STK3: variants seen among roughly 807,000 people sequenced by gnomAD.
The protein encoded by STK3 is serine/threonine-protein kinase 3.
In STK3, 41 loss-of-function variants were observed where a neutral mutation model predicts 58.0. The ratio of observed to expected loss-of-function variants is 0.71; its 90% CI spans 0.55 to 0.92. The LOEUF (loss-of-function observed/expected upper bound fraction) is 0.92. Among genes scored for constraint, STK3 ranks in the 40% least tolerant of loss-of-function variants. STK3 has a pLI of 0.00. For missense variants in STK3, 479 were observed against 602.7 expected (o/e 0.79, Z 2.15); for synonymous variants, 170 against 191.0 (o/e 0.89, Z 0.91).
At chr8:98,688,063 T>C (rs1824136314) in intron 6 of STK3, among the ~76,000 whole-genome samples, 1 of 151,956 alleles carries the variant, frequency 6.6e-6, no homozygotes, top group Non-Finnish European at 1.5e-5. Flanking sequence ...ACCCATAGAC[T>C]CATAGTAAAT....
the STK3 span, among the ~76,000 whole-genome samples, chr8:98,359,533 A>AAAAAG: frequency 0.08 from 11,428 of 141,978 alleles, 558 homozygotes; most frequent in Middle Eastern, 0.14. Context: ...AAAAAAAAAA[A>AAAAAG]AAAGAAAGAA....
At chr8:98,771,532 T>A (rs921690717) in intron 2 of STK3, among the ~76,000 whole-genome samples, 2 of 152,074 alleles carry the variant, frequency 1.3e-5, no homozygotes, top group African/African-American at 4.8e-5. Flanking sequence ...ATTTTACTGA[T>A]CTCTTCAAAA....
chr8:98,504,909 T>C (rs1260617136), intron 10 of STK3, among the ~76,000 whole-genome samples: 1 of 152,224 alleles, frequency 6.6e-6, no homozygotes, highest in Non-Finnish European at 1.5e-5. Context: ...TGGTGTTCTC[T>C]ATATTTCCTG....
At chr8:98,713,496 C>T (rs1826708600) in intron 4 of STK3, among the ~76,000 whole-genome samples, 2 of 152,178 alleles carry the variant, frequency 1.3e-5, no homozygotes, top group Non-Finnish European at 2.9e-5. Context: ...ATACTATAAA[C>T]ACCTCTACGC....
intron 4 of STK3, among the ~76,000 whole-genome samples, chr8:98,733,728 A>T (rs1271733439): frequency 6.6e-6 from 1 of 151,598 alleles, no homozygotes; most frequent in Non-Finnish European, 1.5e-5. Flanking sequence ...CATACCTATT[A>T]CCTCATCTAG....
chr8:98,602,924 A>G (rs1816478733), intron 6 of STK3, among the ~76,000 whole-genome samples: 1 of 151,942 alleles, frequency 6.6e-6, no homozygotes, highest in Non-Finnish European at 1.5e-5. Context: ...AATATATCTA[A>G]AGATAGTGGA....
chr8:98,709,126 G>A (rs554652164), intron 4 of STK3, among the ~76,000 whole-genome samples: 2 of 152,212 alleles, frequency 1.3e-5, no homozygotes, highest in African/African-American at 4.8e-5. Context: ...ATTAGGGACT[G>A]CTCTCAAGCT....
chr8:98,868,324 G>A (rs528574907), intron 3 of STK3, among the ~76,000 whole-genome samples: 2 of 152,286 alleles, frequency 1.3e-5, no homozygotes, highest in East Asian at 3.9e-4. Context: ...TCCCACAGCC[G>A]AAGGAGAAAG....
At chr8:98,658,292 C>T (rs1238883526) in intron 6 of STK3, among the ~76,000 whole-genome samples, 1 of 151,942 alleles carries the variant, frequency 6.6e-6, no homozygotes, top group African/African-American at 2.4e-5. Flanking sequence ...GCAAAATATG[C>T]TTGATTCAGG....
At chr8:98,834,396 C>CT (rs1324063880) in intron 3 of STK3, among the ~76,000 whole-genome samples, 2 of 152,218 alleles carry the variant, frequency 1.3e-5, no homozygotes, top group East Asian at 3.9e-4. Context: ...TTTAGGTCAA[C>CT]AGAACAAAAT....
At chr8:98,844,101 G>A (rs1008499857) in intron 3 of STK3, among the ~76,000 whole-genome samples, 1 of 152,188 alleles carries the variant, frequency 6.6e-6, no homozygotes, top group African/African-American at 2.4e-5. Context: ...GGCTATGGTT[G>A]TGCCACTGCA....
In STK3 at chr8:98,529,286, G is replaced by A. The variant is rs568985223; in HGVS notation, c.1142-2369C>T. 5.9e-3 allele frequency among the ~76,000 whole-genome samples: 803 copies of A among 137,048 alleles called. 6 individuals are homozygous for A. Among genetic ancestry groups the A allele is most frequent in the Non-Finnish European group, 9.0e-3 (556 of 61,548 alleles). The allele number at this position is 137,048 out of a possible 152,430, so 89.9% of individuals were successfully genotyped here. ...CTTAATCAAACTTCAAAAAACAAAA[G>A]GGGGGGGGACGGAGATTGAACTGAC... On this transcript the variant is annotated intron_variant, in intron 9 of 10. Transcript: ENST00000419617.
chr8:98,692,911 C>A (rs1459365592), intron 6 of STK3, among the ~76,000 whole-genome samples: 1 of 151,892 alleles, frequency 6.6e-6, no homozygotes, highest in Non-Finnish European at 1.5e-5. Context: ...GAAGATATGT[C>A]CACATCCTAA....
chr8:98,364,032 G>A, the STK3 span, among the ~76,000 whole-genome samples: 2 of 152,166 alleles, frequency 1.3e-5, no homozygotes, highest in African/African-American at 2.4e-5. Flanking sequence ...CAGCTGGGAA[G>A]CCCGGAGCTG....
chr8:98,884,171 C>T (rs546736667), intron 1 of STK3, among the ~76,000 whole-genome samples: 16 of 151,990 alleles, frequency 1.1e-4, no homozygotes, highest in Non-Finnish European at 2.4e-4. Context: ...AAGTTTTGTG[C>T]CCATAGGATT....
At chr8:98,905,022 G>A (rs1838835107) in intron 1 of STK3, 106 of 825,408 alleles carry the variant, frequency 1.3e-4, no homozygotes, top group South Asian at 1.3e-3. Flanking sequence ...TGCTGCATAT[G>A]CATCGTTGTA....
intron 8 of STK3, among the ~76,000 whole-genome samples, chr8:98,557,343 C>T (rs1437931417): frequency 6.6e-6 from 1 of 152,050 alleles, no homozygotes; most frequent in Non-Finnish European, 1.5e-5. Context: ...AACACTCTTT[C>T]CTATAGCAAG....
At chr8:98,744,531 A>G (rs1829493728) in intron 4 of STK3, among the ~76,000 whole-genome samples, 2 of 138,100 alleles carry the variant, frequency 1.4e-5, no homozygotes, top group South Asian at 4.5e-4. Flanking sequence ...GAACTGAACA[A>G]TGAGAACACA....
intron 4 of STK3, among the ~76,000 whole-genome samples, chr8:98,741,126 A>C (rs1341083142): frequency 6.6e-6 from 1 of 152,110 alleles, no homozygotes; most frequent in Non-Finnish European, 1.5e-5. Flanking sequence ...AGAGACTTAG[A>C]CTCCCACACA....
Sources: allele counts gnomAD v4.1 joint callset (sites outside exome capture counted in the v4.1 genomes callset), GRCh38; gene constraint gnomAD v4.1.1; transcripts MANE v1.5; gene names NCBI Gene and HGNC (gene_info 2026-07-23, HGNC 2026-07-21).